Variants in EXOC6B observed in about 807,000 individuals in gnomAD.
EXOC6B encodes SEC15 homolog B.
A neutral mutation model predicts 113.5 loss-of-function variants in EXOC6B; 54 were observed. That is an observed-to-expected ratio of 0.48 (90% CI 0.38 to 0.60). The LOEUF (loss-of-function observed/expected upper bound fraction) is 0.60, where lower values mean the gene tolerates loss of function less well. Among genes scored for constraint, EXOC6B ranks in the 20% least tolerant of loss-of-function variants. The pLI is 0.00. For missense variants in EXOC6B, 797 were observed against 977.5 expected (o/e 0.82, Z 2.46); for synonymous variants, 357 against 339.0 (o/e 1.05, Z -0.58).
intron 1 of EXOC6B, among the ~76,000 whole-genome samples, chr2:72,783,178 T>A (rs1684157591): frequency 7.2e-6 from 1 of 139,064 alleles, no homozygotes; most frequent in South Asian, 2.1e-4. Context: ...CAATATCTGT[T>A]TGTTGGGGTT....
intron 20 of EXOC6B, among the ~76,000 whole-genome samples, chr2:72,211,837 C>T (rs1322676726): frequency 6.6e-6 from 1 of 152,052 alleles, no homozygotes; most frequent in Non-Finnish European, 1.5e-5. Context: ...ATTTGGTTTA[C>T]CTGTTGCTTT....
intron 18 of EXOC6B, among the ~76,000 whole-genome samples, chr2:72,397,979 G>T (rs540251148): frequency 6.6e-6 from 1 of 152,088 alleles, no homozygotes; most frequent in Admixed American, 6.6e-5. Flanking sequence ...CAAAGGAAAG[G>T]GTATAGCATT....
intron 8 of EXOC6B, among the ~76,000 whole-genome samples, chr2:72,540,067 T>C (rs1702514155): frequency 6.6e-6 from 1 of 151,232 alleles, no homozygotes; most frequent in Non-Finnish European, 1.5e-5. Context: ...GTTCTTGCGA[T>C]AGTTTACTGA....
At chr2:72,307,440 A>G (rs1480003096) in intron 20 of EXOC6B, among the ~76,000 whole-genome samples, 1 of 151,972 alleles carries the variant, frequency 6.6e-6, no homozygotes. Context: ...GTATAGTCCA[A>G]AATTCTAACT....
At chr2:72,669,579 T>G (rs780637154) in intron 6 of EXOC6B, among the ~76,000 whole-genome samples, 3 of 152,222 alleles carry the variant, frequency 2.0e-5, no homozygotes, top group African/African-American at 4.8e-5. Flanking sequence ...CCTTTCCTAA[T>G]TATTCATAAA....
chr2:72,714,639 T>C (rs543466666), intron 6 of EXOC6B, among the ~76,000 whole-genome samples: 1 of 152,104 alleles, frequency 6.6e-6, no homozygotes, highest in South Asian at 2.1e-4. Context: ...GCTTATGCAA[T>C]GAAGTCCCAA....
chr2:72,249,437 A>C (rs1053251878), intron 20 of EXOC6B, among the ~76,000 whole-genome samples: 1 of 151,992 alleles, frequency 6.6e-6, no homozygotes, highest in African/African-American at 2.4e-5. Context: ...TTGTATTTTT[A>C]GTAGAGACGG....
chr2:72,217,029 C>T (rs1040912122), intron 20 of EXOC6B, among the ~76,000 whole-genome samples: 2 of 122,570 alleles, frequency 1.6e-5, no homozygotes, highest in Admixed American at 8.3e-5. Context: ...TGGGCGACTC[C>T]ATATCAAAAA....
chr2:72,431,286 A>G (rs911306842), intron 18 of EXOC6B, among the ~76,000 whole-genome samples: 1 of 152,180 alleles, frequency 6.6e-6, no homozygotes, highest in Non-Finnish European at 1.5e-5. Context: ...AATAAGATTC[A>G]CTGACAATTT....
At position 72,785,931 on chromosome 2, in the gene EXOC6B, G is replaced by A. The variant is rs76981514; in HGVS notation, c.113+39867C>T. ...TTTTATGCTCTGCTTCACTTATAAA[G>A]TTGAATGCCAGGCTGGGTGTGGTGG... On this transcript the variant is annotated intron_variant, in intron 1 of 21. Transcript: ENST00000272427. Among the ~76,000 whole-genome samples, 759 of 152,310 alleles carry A rather than the reference G, an allele frequency of 5.0e-3. 12 individuals carry two copies. The highest frequency in any genetic ancestry group is 0.017 in the African/African-American group (712 of 41,568).
At chr2:72,484,211 AGGT>A (rs1699282874) in intron 16 of EXOC6B, among the ~76,000 whole-genome samples, 1 of 150,560 alleles carries the variant, frequency 6.6e-6, no homozygotes, top group Non-Finnish European at 1.5e-5. Context: ...TTTGTTACAT[AGGT>A]GTATGTATGT....
chr2:72,775,263 A>G lies in EXOC6B; in HGVS notation c.114-33794T>C, dbSNP rs372273301. On this transcript the variant is annotated intron_variant, in intron 1 of 21. Transcript: ENST00000272427. ...TTGGGGGAAGAAGTTGAGTATTCCA[A>G]CCCTCTAATCAAGGCTTGGTCTTTC... is the stretch of plus-strand genomic sequence containing the variant. Among the ~76,000 whole-genome samples, 19 of 152,100 alleles carry G rather than the reference A, an allele frequency of 1.2e-4. No individual in the cohort carries two copies. In the East Asian group the frequency reaches 3.7e-3, roughly 29 times the overall value.
intron 20 of EXOC6B, among the ~76,000 whole-genome samples, chr2:72,288,467 A>G (rs1685576093): frequency 6.6e-6 from 1 of 152,138 alleles, no homozygotes; most frequent in South Asian, 2.1e-4. Flanking sequence ...ACAATCAAAT[A>G]GAGATCAATA....
chr2:72,203,411 T>C (rs1679616767), intron 20 of EXOC6B, among the ~76,000 whole-genome samples: 1 of 152,224 alleles, frequency 6.6e-6, no homozygotes, highest in Non-Finnish European at 1.5e-5. Flanking sequence ...GCCCATGGTA[T>C]GCGTGATATA....
chr2:72,250,445 C>A (rs770560613), intron 20 of EXOC6B, among the ~76,000 whole-genome samples: 103 of 152,138 alleles, frequency 6.8e-4, no homozygotes, highest in African/African-American at 2.4e-3. Context: ...TGAGCTCAAG[C>A]AATCCTCTTA....
At chr2:72,720,916 TAGA>T (rs1391404569) in intron 5 of EXOC6B, among the ~76,000 whole-genome samples, 1 of 150,516 alleles carries the variant, frequency 6.6e-6, no homozygotes, top group South Asian at 2.1e-4. Flanking sequence ...TCTATAAGCA[TAGA>T]AGGACAAATA....
At chr2:72,656,521 T>G (rs1674588083) in intron 6 of EXOC6B, among the ~76,000 whole-genome samples, 1 of 152,006 alleles carries the variant, frequency 6.6e-6, no homozygotes, top group African/African-American at 2.4e-5. Flanking sequence ...AATAAAACAG[T>G]CAAAAAATTG....
At chr2:72,253,414 T>C (rs11682749) in intron 20 of EXOC6B, among the ~76,000 whole-genome samples, 29,137 of 152,122 alleles carry the variant, frequency 0.19, 4,302 homozygotes, top group African/African-American at 0.41. Flanking sequence ...TTCCGAGCAC[T>C]ATTCACAATA....
At chr2:72,481,094 T>A (rs149419863) in intron 16 of EXOC6B, among the ~76,000 whole-genome samples, 2 of 152,176 alleles carry the variant, frequency 1.3e-5, no homozygotes, top group Non-Finnish European at 2.9e-5. Flanking sequence ...GATGGTTTTA[T>A]AAGGGGCTCT....
Sources: allele counts gnomAD v4.1 joint callset (sites outside exome capture counted in the v4.1 genomes callset), GRCh38; gene constraint gnomAD v4.1.1; transcripts MANE v1.5; gene names NCBI Gene and HGNC (gene_info 2026-07-23, HGNC 2026-07-21).